CNTN5: variants seen among roughly 807,000 people sequenced by gnomAD.
CNTN5 encodes the protein contactin-5.
CNTN5 carries 77 observed loss-of-function variants against 129.1 expected under a neutral mutation model. The observed-to-expected ratio is 0.60, with a 90% CI of 0.50 to 0.72. The LOEUF (loss-of-function observed/expected upper bound fraction) is 0.72, where lower values mean the gene tolerates loss of function less well. CNTN5 is among the 30% of genes least tolerant of loss of function. The pLI is 0.00. For synonymous variants in CNTN5, 509 were observed against 465.6 expected (o/e 1.09, Z -1.20); for missense variants, 1,478 against 1,328.8 (o/e 1.11, Z -1.75).
intron 21 of CNTN5, 94 bp from the exon 22 acceptor site, chr11:100,340,369 C>A: frequency 2.3e-6 from 2 of 868,632 alleles, no homozygotes; most frequent in Non-Finnish European, 3.5e-6. Context: ...TATGGGTGGA[C>A]TCCAGCAACA....
intron 6 of CNTN5, among the ~76,000 whole-genome samples, chr11:99,892,058 G>T (rs780104844): frequency 8.5e-5 from 13 of 152,108 alleles, no homozygotes; most frequent in African/African-American, 4.8e-5. Flanking sequence ...TAGTGGTTTT[G>T]ATTTGCATTT....
intron 3 of CNTN5, among the ~76,000 whole-genome samples, chr11:99,791,335 G>A (rs1293657795): frequency 6.6e-6 from 1 of 152,024 alleles, no homozygotes. Flanking sequence ...TTATAAGAAA[G>A]GGGTCCAGTT....
At chr11:99,843,371 G>T (rs924201046) in intron 4 of CNTN5, among the ~76,000 whole-genome samples, 1 of 152,158 alleles carries the variant, frequency 6.6e-6, no homozygotes, top group Non-Finnish European at 1.5e-5. Flanking sequence ...AATATTTAAA[G>T]AAATATATTT....
intron 1 of CNTN5, among the ~76,000 whole-genome samples, chr11:99,190,426 C>T (rs1206953149): frequency 6.6e-6 from 1 of 151,342 alleles, no homozygotes; most frequent in Non-Finnish European, 1.5e-5. Context: ...TTTTCTATTT[C>T]TGCAAATAAT....
chr11:99,244,687 G>A (rs1020955173), intron 1 of CNTN5, among the ~76,000 whole-genome samples: 1 of 152,142 alleles, frequency 6.6e-6, no homozygotes, highest in Non-Finnish European at 1.5e-5. Context: ...GCCTGCTACT[G>A]AGTCCTACTA....
At chr11:99,358,900 G>GA (rs200655817) in intron 2 of CNTN5, among the ~76,000 whole-genome samples, 4,492 of 151,346 alleles carry the variant, frequency 0.03, 200 homozygotes, top group African/African-American at 0.1. Flanking sequence ...CACTTTATAG[G>GA]AAAAAAAAGT....
At chr11:100,034,974 A>T (rs968446883) in intron 9 of CNTN5, among the ~76,000 whole-genome samples, 53 of 151,718 alleles carry the variant, frequency 3.5e-4, no homozygotes, top group African/African-American at 1.1e-3. Flanking sequence ...CTTTTTTTTT[A>T]AATTTTATTA....
At chr11:99,486,118 T>G (rs1945801731) in intron 2 of CNTN5, among the ~76,000 whole-genome samples, 1 of 152,080 alleles carries the variant, frequency 6.6e-6, no homozygotes, top group African/African-American at 2.4e-5. Flanking sequence ...TTATAATTTA[T>G]TTGGTCTTTT....
chr11:99,955,348 A>G (rs1380508477), intron 7 of CNTN5, among the ~76,000 whole-genome samples: 3 of 151,820 alleles, frequency 2.0e-5, no homozygotes, highest in Admixed American at 6.6e-5. Context: ...CATTCCTTTG[A>G]GTAAAGTCAT....
chr11:100,122,050 T>C (rs1313174408), intron 13 of CNTN5, among the ~76,000 whole-genome samples: 1 of 151,886 alleles, frequency 6.6e-6, no homozygotes. Flanking sequence ...GGGGAACTGG[T>C]TCATGAAATT....
intron 2 of CNTN5, among the ~76,000 whole-genome samples, chr11:99,521,204 G>A (rs1164782057): frequency 1.3e-5 from 2 of 151,976 alleles, no homozygotes; most frequent in African/African-American, 4.8e-5. Context: ...AGATGTGCTA[G>A]CATTGTTGGA....
chr11:100,297,399 C>G (rs1951119807), intron 18 of CNTN5, among the ~76,000 whole-genome samples: 1 of 151,326 alleles, frequency 6.6e-6, no homozygotes, highest in Non-Finnish European at 1.5e-5. Context: ...ATCACTACCA[C>G]AGAGCATTTT....
intron 1 of CNTN5, among the ~76,000 whole-genome samples, chr11:99,274,665 CTA>C (rs1336324763): frequency 2.0e-5 from 3 of 150,176 alleles, no homozygotes; most frequent in Non-Finnish European, 3.0e-5. Flanking sequence ...AATACCTCTA[CTA>C]TATATATATA....
At chr11:100,214,627 T>C (rs1342618589) in intron 15 of CNTN5, among the ~76,000 whole-genome samples, 1 of 152,184 alleles carries the variant, frequency 6.6e-6, no homozygotes, top group Non-Finnish European at 1.5e-5. Flanking sequence ...CTTCAGTCCC[T>C]GTTCAACAGT....
chr11:99,274,144 T>C (rs1344562315), intron 1 of CNTN5, among the ~76,000 whole-genome samples: 3 of 151,784 alleles, frequency 2.0e-5, no homozygotes, highest in Non-Finnish European at 4.4e-5. Flanking sequence ...CATCACAGAA[T>C]GTTCCATTTT....
chr11:100,001,338 A>C (rs972310281), intron 8 of CNTN5, among the ~76,000 whole-genome samples: 2 of 152,160 alleles, frequency 1.3e-5, no homozygotes, highest in Non-Finnish European at 1.5e-5. Context: ...GCATGGGGGA[A>C]TCTACCTCCA....
chr11:99,842,374 AATTT>A (rs1380492955), intron 4 of CNTN5, among the ~76,000 whole-genome samples: 1 of 152,212 alleles, frequency 6.6e-6, no homozygotes, highest in Non-Finnish European at 1.5e-5. Flanking sequence ...TATTAATCAC[AATTT>A]ATTCAGTGCT....
At chr11:99,058,650 C>G (rs751142054) in intron 1 of CNTN5, among the ~76,000 whole-genome samples, 1 of 151,872 alleles carries the variant, frequency 6.6e-6, no homozygotes, top group South Asian at 2.1e-4. Flanking sequence ...CTGCTCTTCC[C>G]ACAGTTCCTC....
At chr11:99,031,280 T>C (rs1242982001) in intron 1 of CNTN5, among the ~76,000 whole-genome samples, 1 of 152,154 alleles carries the variant, frequency 6.6e-6, no homozygotes, top group Admixed American at 6.6e-5. Context: ...CAATGAGTTA[T>C]TATAAAATAA....
Sources: gnomAD v4.1 joint callset for allele counts (sites outside exome capture counted in the v4.1 genomes callset) on GRCh38, gnomAD v4.1.1 for gene constraint, MANE v1.5 for transcripts, NCBI Gene and HGNC (gene_info 2026-07-23, HGNC 2026-07-21) for gene names.